The following HS3ST4 variants were observed in gnomAD, a reference collection of about 807,000 sequenced individuals.
HS3ST4 encodes heparan sulfate-glucosamine 3-sulfotransferase 4.
A neutral mutation model predicts 29.2 loss-of-function variants in HS3ST4; 17 were observed. That is an observed-to-expected ratio of 0.58 (90% CI 0.40 to 0.87). HS3ST4 has a LOEUF of 0.87. Ranked by LOEUF, HS3ST4 falls within the 40% of genes least tolerant of loss-of-function variation. The pLI, the probability that HS3ST4 is intolerant of heterozygous loss-of-function variation, is 0.00. For missense variants in HS3ST4, 627 were observed against 634.5 expected, an observed-to-expected ratio of 0.99 and a Z score of 0.13; for synonymous variants, 314 against 285.7, an observed-to-expected ratio of 1.10 and a Z score of -1.00.
intron 1 of HS3ST4, among the ~76,000 whole-genome samples, chr16:25,817,120 T>C (rs1186819954): frequency 6.6e-6 from 1 of 152,260 alleles, no homozygotes; most frequent in Non-Finnish European, 1.5e-5. Flanking sequence ...TTCCCTTTAC[T>C]AGCTGCATGG....
chr16:26,075,117 C>T (rs1183046181), intron 1 of HS3ST4, among the ~76,000 whole-genome samples: 10 of 152,216 alleles, frequency 6.6e-5, no homozygotes, highest in South Asian at 2.1e-4. Flanking sequence ...CGCTTGAACC[C>T]GGGAGGCAGA....
chr16:26,071,161 C>T (rs546683775), intron 1 of HS3ST4, among the ~76,000 whole-genome samples: 3 of 152,198 alleles, frequency 2.0e-5, no homozygotes, highest in African/African-American at 7.2e-5. Flanking sequence ...CGTCCCTACA[C>T]GAGCTCCACA....
intron 1 of HS3ST4, among the ~76,000 whole-genome samples, chr16:25,710,808 CTTTTTTTT>C (rs34759495): frequency 0.011 from 548 of 48,574 alleles, 12 homozygotes; most frequent in African/African-American, 0.044. Context: ...GCATATTATC[CTTTTTTTT>C]TTTTTTTTTT....
chr16:25,795,561 A>G (rs911328307), intron 1 of HS3ST4, among the ~76,000 whole-genome samples: 1 of 152,166 alleles, frequency 6.6e-6, no homozygotes, highest in Non-Finnish European at 1.5e-5. Flanking sequence ...AACAGAGTCA[A>G]TCGTGAGTCT....
chr16:25,850,042 C>G (rs1175785516), intron 1 of HS3ST4, among the ~76,000 whole-genome samples: 2 of 149,482 alleles, frequency 1.3e-5, no homozygotes, highest in Non-Finnish European at 3.0e-5. Flanking sequence ...TTTTGTTGCC[C>G]AGGCTGGAGT....
intron 1 of HS3ST4, among the ~76,000 whole-genome samples, chr16:26,048,691 G>A (rs1410554832): frequency 1.3e-5 from 2 of 152,056 alleles, no homozygotes; most frequent in African/African-American, 4.8e-5. Flanking sequence ...AAAATAGCCA[G>A]GTGTGGTGGT....
intron 1 of HS3ST4, among the ~76,000 whole-genome samples, chr16:25,930,348 A>G (rs368831145): frequency 6.6e-6 from 1 of 152,078 alleles, no homozygotes; most frequent in Non-Finnish European, 1.5e-5. Flanking sequence ...AACTCCAGCC[A>G]CTCTTACTCC....
At chr16:25,772,443 T>C (rs534154597) in intron 1 of HS3ST4, among the ~76,000 whole-genome samples, 1 of 152,312 alleles carries the variant, frequency 6.6e-6, no homozygotes, top group South Asian at 2.1e-4. Flanking sequence ...TTACAGAGCC[T>C]CTCTGATCCT....
At chr16:25,940,658 A>G (rs1968563671) in intron 1 of HS3ST4, among the ~76,000 whole-genome samples, 1 of 152,210 alleles carries the variant, frequency 6.6e-6, no homozygotes, top group Non-Finnish European at 1.5e-5. Context: ...GAAGATTTGC[A>G]AGAACTATGC....
chr16:26,018,915 A>G (rs1353554896), intron 1 of HS3ST4, among the ~76,000 whole-genome samples: 1 of 151,702 alleles, frequency 6.6e-6, no homozygotes, highest in South Asian at 2.1e-4. Context: ...GTTTCAATAC[A>G]GTCACCCTGT....
chr16:25,725,820 T>G (rs115588475), intron 1 of HS3ST4, among the ~76,000 whole-genome samples: 3,723 of 151,690 alleles, frequency 0.025, 141 homozygotes, highest in African/African-American at 0.085. Context: ...ATTGGTATTA[T>G]CTCAAATTTG....
intron 1 of HS3ST4, among the ~76,000 whole-genome samples, chr16:26,067,134 T>A (rs1862895775): frequency 6.6e-6 from 1 of 152,138 alleles, no homozygotes; most frequent in Non-Finnish European, 1.5e-5. Flanking sequence ...CATCTCTACT[T>A]AACAACACTT....
intron 1 of HS3ST4, among the ~76,000 whole-genome samples, chr16:25,943,674 T>A (rs946815843): frequency 1.1e-4 from 17 of 152,228 alleles, no homozygotes; most frequent in African/African-American, 3.9e-4. Flanking sequence ...ATTCCATTTT[T>A]AGCTCTGTTA....
At chr16:25,984,317 A>G (rs1336849039) in intron 1 of HS3ST4, among the ~76,000 whole-genome samples, 2 of 152,186 alleles carry the variant, frequency 1.3e-5, no homozygotes, top group Non-Finnish European at 2.9e-5. Flanking sequence ...ATCATCAGGC[A>G]TTAGATTCTC....
chr16:26,053,074 C>T (rs1249989521), intron 1 of HS3ST4, among the ~76,000 whole-genome samples: 1 of 152,190 alleles, frequency 6.6e-6, no homozygotes, highest in Non-Finnish European at 1.5e-5. Context: ...GCTGTGTTAC[C>T]TTGGGCAAGC....
intron 1 of HS3ST4, among the ~76,000 whole-genome samples, chr16:25,733,480 G>T (rs925089820): frequency 9.2e-5 from 14 of 152,188 alleles, no homozygotes; most frequent in African/African-American, 3.4e-4. Context: ...GGTAGTGAGT[G>T]AGACTCTGTA....
chr16:25,998,053 T>C (rs1969172492), intron 1 of HS3ST4, among the ~76,000 whole-genome samples: 1 of 151,998 alleles, frequency 6.6e-6, no homozygotes, highest in Non-Finnish European at 1.5e-5. Flanking sequence ...CTGGGCAACA[T>C]AGTGAAACCA....
At chr16:25,853,238 C>T (rs1009272982) in intron 1 of HS3ST4, among the ~76,000 whole-genome samples, 8 of 151,752 alleles carry the variant, frequency 5.3e-5, no homozygotes, top group East Asian at 1.9e-4. Context: ...TTTCATATCC[C>T]GCAACTTTAC....
In HS3ST4 at chr16:26,120,095, A is replaced by G. The variant is rs62036809; in HGVS notation, c.735-15517A>G. Among the ~76,000 whole-genome samples, 21 of 118,662 alleles carry G rather than the reference A, an allele frequency of 1.8e-4. No homozygotes were observed. In the South Asian group the frequency reaches 3.6e-3, roughly 20 times the overall value. 77.8% of individuals were successfully genotyped at this position (118,662 alleles called of 152,430 possible). A position where few individuals can be genotyped will look rare whatever the true frequency, so the allele number is the denominator to read the frequency against. On this transcript the variant is annotated intron_variant, in intron 1 of 1. Transcript: ENST00000331351. ...TATGTGTGTGTGTGTGTGTGTGTATATGTGTGTGACAGATACTCTACAGGG... is the reference window on the plus strand; with the variant it reads ...TATGTGTGTGTGTGTGTGTGTGTATGTGTGTGTGACAGATACTCTACAGGG...
Sources: gnomAD v4.1 joint callset for allele counts (sites outside exome capture counted in the v4.1 genomes callset) on GRCh38, gnomAD v4.1.1 for gene constraint, MANE v1.5 for transcripts, NCBI Gene and HGNC (gene_info 2026-07-23, HGNC 2026-07-21) for gene names.